Variants in THSD7B observed in about 807,000 individuals in gnomAD.
THSD7B encodes thrombospondin type-1 domain-containing protein 7B.
THSD7B carries 138 observed loss-of-function variants against 213.6 expected under a neutral mutation model. That is an observed-to-expected ratio of 0.65 (90% CI 0.56 to 0.74). THSD7B has a LOEUF of 0.74. Ranked by LOEUF, THSD7B falls within the 30% of genes least tolerant of loss-of-function variation. THSD7B has a pLI of 0.00. For synonymous variants in THSD7B, 742 were observed against 687.0 expected (o/e 1.08, Z -1.25); for missense variants, 1,931 against 1,991.5 (o/e 0.97, Z 0.58).
intron 3 of THSD7B, among the ~76,000 whole-genome samples, chr2:137,072,594 T>C (rs924878454): frequency 4.6e-5 from 7 of 152,174 alleles, no homozygotes; most frequent in Admixed American, 4.6e-4. Context: ...ATACCCTTTA[T>C]TTCCTTCTCC....
At chr2:137,033,759 C>T (rs963891613) in intron 2 of THSD7B, among the ~76,000 whole-genome samples, 8 of 151,940 alleles carry the variant, frequency 5.3e-5, no homozygotes, top group East Asian at 1.9e-4. Context: ...ACTACAGGTG[C>T]GCACCATCAC....
intron 12 of THSD7B, among the ~76,000 whole-genome samples, chr2:137,284,237 A>G (rs1451704395): frequency 6.6e-6 from 1 of 151,922 alleles, no homozygotes; most frequent in Middle Eastern, 3.2e-3. Flanking sequence ...TGTGGGATTT[A>G]TGGTGATATC....
chr2:137,445,279 A>T (rs1408053765), intron 14 of THSD7B, among the ~76,000 whole-genome samples: 1 of 152,104 alleles, frequency 6.6e-6, no homozygotes, highest in African/African-American at 2.4e-5. Context: ...AAGAAAGGGA[A>T]TCAATATATC....
chr2:137,006,159 C>T (rs6734565), intron 2 of THSD7B, among the ~76,000 whole-genome samples: 8,548 of 151,982 alleles, frequency 0.056, 340 homozygotes, highest in East Asian at 0.12. Context: ...TTTGGGAGGC[C>T]GAGGCGGGCA....
chr2:136,950,836 T>C (rs777673408), intron 2 of THSD7B, among the ~76,000 whole-genome samples: 1 of 152,192 alleles, frequency 6.6e-6, no homozygotes, highest in Non-Finnish European at 1.5e-5. Context: ...TGTTGGCCCA[T>C]GGTTGTGCGT....
intron 15 of THSD7B, among the ~76,000 whole-genome samples, chr2:137,553,002 A>G (rs78953851): frequency 0.023 from 3,554 of 151,782 alleles, 100 homozygotes; most frequent in Admixed American, 0.077. Context: ...TGGACAGCTT[A>G]TGGAAAGAGC....
intron 15 of THSD7B, among the ~76,000 whole-genome samples, chr2:137,504,148 G>A (rs773510318): frequency 3.3e-5 from 5 of 151,924 alleles, no homozygotes; most frequent in Non-Finnish European, 5.9e-5. Flanking sequence ...ACCCTTTAAA[G>A]GCCACTTCTG....
intron 21 of THSD7B, among the ~76,000 whole-genome samples, chr2:137,648,789 T>C (rs1029116139): frequency 6.6e-6 from 1 of 151,988 alleles, no homozygotes; most frequent in African/African-American, 2.4e-5. Flanking sequence ...GTGTATTCAG[T>C]AGTAGAATTT....
At chr2:137,369,454 T>C (rs1685495999) in intron 12 of THSD7B, among the ~76,000 whole-genome samples, 1 of 152,152 alleles carries the variant, frequency 6.6e-6, no homozygotes, top group Admixed American at 6.6e-5. Context: ...TTGTGACTTA[T>C]GAAATCAAAG....
chr2:137,195,234 G>A (rs1464541929), intron 7 of THSD7B, among the ~76,000 whole-genome samples: 1 of 146,010 alleles, frequency 6.8e-6, no homozygotes, highest in Non-Finnish European at 1.5e-5. Flanking sequence ...ATGTATGTGT[G>A]TATATATATA....
At chr2:137,078,762 T>C (rs1241165155) in intron 3 of THSD7B, among the ~76,000 whole-genome samples, 2 of 152,168 alleles carry the variant, frequency 1.3e-5, no homozygotes, top group East Asian at 3.8e-4. Flanking sequence ...CTGATAACTA[T>C]TTGAAATGGA....
chr2:136,848,516 G>A lies in THSD7B; in HGVS notation c.-35-33628G>A, dbSNP rs114204483. On this transcript the variant is annotated intron_variant, in intron 1 of 27. Coordinates refer to ENST00000409968, the MANE Select transcript of THSD7B (RefSeq NM_001316349.2). ...GATAAAAAGACAGATGCTAAATTAA[G>A]TGTGTAATATAAATTCTAATAATTT... Among the ~76,000 whole-genome samples the A allele has an allele frequency of 3.7e-3, 567 of 152,226 alleles. 3 individuals carry two copies. Among genetic ancestry groups the A allele is most frequent in the African/African-American group, 0.013 (543 of 41,544 alleles).
chr2:137,518,046 A>G (rs370990328), intron 15 of THSD7B, among the ~76,000 whole-genome samples: 34 of 151,952 alleles, frequency 2.2e-4, no homozygotes, highest in African/African-American at 7.5e-4. Flanking sequence ...GCTTCCATCA[A>G]ATGGAAGTGG....
At chr2:136,994,630 T>C (rs1200698023) in intron 2 of THSD7B, among the ~76,000 whole-genome samples, 1 of 152,184 alleles carries the variant, frequency 6.6e-6, no homozygotes, top group Non-Finnish European at 1.5e-5. Flanking sequence ...GTAGTTTGCA[T>C]ATGTTATCTT....
intron 1 of THSD7B, among the ~76,000 whole-genome samples, chr2:136,814,035 C>G (rs1248556516): frequency 6.6e-6 from 1 of 152,122 alleles, no homozygotes; most frequent in Non-Finnish European, 1.5e-5. Flanking sequence ...TCCAATATCC[C>G]CCTGTGTTCT....
At chr2:137,554,834 C>T (rs1207269272) in intron 15 of THSD7B, among the ~76,000 whole-genome samples, 2 of 152,180 alleles carry the variant, frequency 1.3e-5, no homozygotes, top group African/African-American at 4.8e-5. Context: ...CTTGGAAAAT[C>T]GGGTCACTCC....
At chr2:137,390,533 C>T (rs10182767) in intron 12 of THSD7B, among the ~76,000 whole-genome samples, 34,276 of 151,984 alleles carry the variant, frequency 0.23, 4,012 homozygotes, top group South Asian at 0.26. Flanking sequence ...TTTTTTTCTC[C>T]TGCCTGATTT....
Position 137,276,000 on chromosome 2 carries a change from C to A in THSD7B, c.2474C>A (p.Ala825Asp), listed in dbSNP as rs1315973222. The A allele has an allele frequency of 1.2e-6, 2 of 1,611,648 alleles. No homozygotes were observed. The highest frequency in any genetic ancestry group is 2.7e-5 in the African/African-American group (2 of 74,730). The stretch of plus-strand genomic sequence containing the variant: ...CAGGGAATAACGGGCAGCAGTGAAG[C>A]CTGTGGAAAGGGGTTACAAACAAGA... Reference protein sequence around the residue: ...VWQGITGSSEACGKGLQTRAV... With the variant: ...VWQGITGSSEDCGKGLQTRAV... Residue 825 changes from alanine to aspartate, a missense_variant, in exon 12 of 28, where the codon GCC (alanine) becomes GAC (aspartate). Physicochemically the swap from Ala to Asp is moderately radical, Grantham distance 126. Coordinates refer to ENST00000409968, the MANE Select transcript of THSD7B (RefSeq NM_001316349.2).
chr2:137,188,359 G>A (rs1020436267), intron 7 of THSD7B, among the ~76,000 whole-genome samples: 1 of 152,090 alleles, frequency 6.6e-6, no homozygotes, highest in African/African-American at 2.4e-5. Flanking sequence ...TTGGAGTGCT[G>A]AAGGTAGATA....
Sources: allele counts gnomAD v4.1 joint callset (sites outside exome capture counted in the v4.1 genomes callset), GRCh38; gene constraint gnomAD v4.1.1; transcripts MANE v1.5; gene names NCBI Gene and HGNC (gene_info 2026-07-23, HGNC 2026-07-21).